The following UBXN7 variants were observed in gnomAD, a reference collection of about 807,000 sequenced individuals.
UBXN7 encodes the protein UBX domain-containing protein 7.
In UBXN7, 9 loss-of-function variants were observed where a neutral mutation model predicts 58.0. That is an observed-to-expected ratio of 0.16 (90% CI 0.09 to 0.27). The LOEUF (loss-of-function observed/expected upper bound fraction) is 0.27, where lower values mean the gene tolerates loss of function less well. Ranked by LOEUF, UBXN7 falls within the 10% of genes least tolerant of loss-of-function variation. The probability of loss-of-function intolerance (pLI) is 1.00; values close to 1 mark genes in which losing one functional copy is unlikely to be tolerated. For missense variants in UBXN7, 328 were observed against 599.6 expected (o/e 0.55, Z 4.73); for synonymous variants, 208 against 205.0 (o/e 1.01, Z -0.12).
chr3:196,369,318 C>T, intron 7 of UBXN7, 103 bp downstream of exon 7: 1 of 933,972 alleles, frequency 1.1e-6, no homozygotes. Flanking sequence ...ACCTAAATTA[C>T]TGCAATTCTG....
At chr3:196,427,820 T>C (rs549882617) in intron 1 of UBXN7, among the ~76,000 whole-genome samples, 2 of 152,320 alleles carry the variant, frequency 1.3e-5, no homozygotes, top group East Asian at 3.9e-4. Context: ...TATGTAGCTT[T>C]AAATGACACA....
At chr3:196,430,781 A>T (rs1178390493) in intron 1 of UBXN7, among the ~76,000 whole-genome samples, 3 of 152,188 alleles carry the variant, frequency 2.0e-5, no homozygotes, top group African/African-American at 7.2e-5. Flanking sequence ...TTTTCTATAT[A>T]AGCATAATGC....
intron 5 of UBXN7, among the ~76,000 whole-genome samples, chr3:196,389,773 T>G (rs1729520525): frequency 6.6e-6 from 1 of 152,202 alleles, no homozygotes; most frequent in Admixed American, 6.5e-5. Flanking sequence ...CAGGGATTCC[T>G]TTCTAGCAAT....
At chr3:196,390,099 G>C (rs1002876074) in intron 5 of UBXN7, among the ~76,000 whole-genome samples, 3 of 151,864 alleles carry the variant, frequency 2.0e-5, no homozygotes, top group Non-Finnish European at 2.9e-5. Context: ...GGTGTCTGTA[G>C]CCCTACTTAT....
chr3:196,370,399 G>A (rs1728790692), intron 6 of UBXN7, among the ~76,000 whole-genome samples: 1 of 151,056 alleles, frequency 6.6e-6, no homozygotes, highest in African/African-American at 2.4e-5. Context: ...CCTGCAGTGA[G>A]CTATGACTGC....
intron 5 of UBXN7, among the ~76,000 whole-genome samples, chr3:196,385,122 C>T (rs542975074): frequency 6.2e-4 from 94 of 152,338 alleles, no homozygotes; most frequent in African/African-American, 2.1e-3. Context: ...CCTGCCTCAG[C>T]CTGCCGAGTG....
chr3:196,373,154 T>C (rs1446733700), intron 5 of UBXN7, among the ~76,000 whole-genome samples: 2 of 152,368 alleles, frequency 1.3e-5, no homozygotes, highest in East Asian at 3.9e-4. Flanking sequence ...ATCTCAGTTA[T>C]TAGGCATATA....
chr3:196,431,918 G>A (rs1368824417), intron 1 of UBXN7: 1 of 372,338 alleles, frequency 2.7e-6, no homozygotes, highest in Admixed American at 3.6e-5. Context: ...AAAAAAGGAG[G>A]TGAGGAGATG....
At chr3:196,413,976 C>T (rs1225628255) in intron 1 of UBXN7, among the ~76,000 whole-genome samples, 1 of 152,136 alleles carries the variant, frequency 6.6e-6, no homozygotes, top group African/African-American at 2.4e-5. Flanking sequence ...AAAGTCTCTA[C>T]GTGTTCAGTA....
chr3:196,381,419 C>A (rs1336643241), intron 5 of UBXN7, among the ~76,000 whole-genome samples: 1 of 152,122 alleles, frequency 6.6e-6, no homozygotes, highest in African/African-American at 2.4e-5. Flanking sequence ...GGAAAACTAA[C>A]AAACAAAAAG....
intron 1 of UBXN7, among the ~76,000 whole-genome samples, chr3:196,419,549 AG>A (rs1164181600): frequency 1.3e-5 from 2 of 152,204 alleles, no homozygotes; most frequent in African/African-American, 4.8e-5. Context: ...CCGTATCATC[AG>A]TTGTTCTTAG....
chr3:196,422,847 G>C (rs1362245579), intron 1 of UBXN7, among the ~76,000 whole-genome samples: 1 of 152,124 alleles, frequency 6.6e-6, no homozygotes, highest in African/African-American at 2.4e-5. Context: ...CCCCAAACTG[G>C]AAAGTGTCCT....
At chr3:196,377,203 T>C (rs1465983233) in intron 5 of UBXN7, among the ~76,000 whole-genome samples, 1 of 152,206 alleles carries the variant, frequency 6.6e-6, no homozygotes, top group Non-Finnish European at 1.5e-5. Flanking sequence ...CCTGTGTTCA[T>C]ACAGCTTACA....
At chr3:196,378,701 G>T (rs551036688) in intron 5 of UBXN7, among the ~76,000 whole-genome samples, 1 of 152,202 alleles carries the variant, frequency 6.6e-6, no homozygotes, top group African/African-American at 2.4e-5. Flanking sequence ...GGTGGGAGTG[G>T]AGCAGTGAGG....
chr3:196,363,231 CATACATACATACATACATAA>C (rs1159468420), intron 8 of UBXN7, among the ~76,000 whole-genome samples: 152 of 129,434 alleles, frequency 1.2e-3, no homozygotes, highest in African/African-American at 2.7e-3. Context: ...TACATACATA[CATACATACATACATACATAA>C]ATATATATAT....
chr3:196,359,209 C>A (rs754963601), intron 10 of UBXN7, among the ~76,000 whole-genome samples: 6 of 152,256 alleles, frequency 3.9e-5, no homozygotes, highest in Admixed American at 6.5e-5. Context: ...TTATAATGAA[C>A]TGTGAGCAGT....
chr3:196,412,257 G>GAAAAAAGA (rs1553853869), intron 1 of UBXN7, among the ~76,000 whole-genome samples: 1 of 142,018 alleles, frequency 7.0e-6, no homozygotes, highest in African/African-American at 2.6e-5. Context: ...AAAGAAAAAA[G>GAAAAAAGA]AAAAAAGCAT....
chr3:196,359,751 A>G (rs1728455279), intron 10 of UBXN7, among the ~76,000 whole-genome samples: 1 of 152,098 alleles, frequency 6.6e-6, no homozygotes, highest in Non-Finnish European at 1.5e-5. Flanking sequence ...CTAAAAATAC[A>G]AAAGTTAGCT....
chr3:196,388,939 A>G (rs1729494680), intron 5 of UBXN7, among the ~76,000 whole-genome samples: 1 of 152,126 alleles, frequency 6.6e-6, no homozygotes, highest in Non-Finnish European at 1.5e-5. Flanking sequence ...AAAAAAATGG[A>G]CTGCTGTAAA....
Sources: allele counts gnomAD v4.1 joint callset (sites outside exome capture counted in the v4.1 genomes callset), GRCh38; gene constraint gnomAD v4.1.1; transcripts MANE v1.5; gene names NCBI Gene and HGNC (gene_info 2026-07-23, HGNC 2026-07-21).